INO80D: variants seen among roughly 807,000 people sequenced by gnomAD.
The protein encoded by INO80D is INO80 complex subunit D.
INO80D carries 21 observed loss-of-function variants against 87.6 expected under a neutral mutation model. The observed-to-expected ratio is 0.24, with a 90% CI of 0.17 to 0.35. The LOEUF is 0.35. Ranked by LOEUF, INO80D falls within the 10% of genes least tolerant of loss-of-function variation. The pLI is 1.00. For synonymous variants in INO80D, 440 were observed against 491.0 expected, an observed-to-expected ratio of 0.90 and a Z score of 1.37; for missense variants, 982 against 1,280.7, an observed-to-expected ratio of 0.77 and a Z score of 3.56.
chr2:206,042,953 T>C (rs1012181499), intron 5 of INO80D, among the ~76,000 whole-genome samples: 1 of 152,156 alleles, frequency 6.6e-6, no homozygotes, highest in Non-Finnish European at 1.5e-5. Flanking sequence ...GCCTGGGTGA[T>C]AGGGTAAGAC....
intron 6 of INO80D, among the ~76,000 whole-genome samples, chr2:206,027,837 A>G (rs932603848): frequency 2.0e-5 from 3 of 152,178 alleles, no homozygotes; most frequent in Non-Finnish European, 2.9e-5. Context: ...TAAGCATTCT[A>G]TTTTTTTAAA....
intron 1 of INO80D, among the ~76,000 whole-genome samples, chr2:206,070,000 A>G (rs1318874478): frequency 2.0e-5 from 3 of 152,130 alleles, no homozygotes; most frequent in Non-Finnish European, 2.9e-5. Context: ...TTGGCCAGGT[A>G]TGATGGTGCA....
Position 206,004,975 on chromosome 2 carries a change from T to C in INO80D, c.2477A>G (p.His826Arg). The C allele has an allele frequency of 1.2e-6, 2 of 1,614,006 alleles. No individual in the cohort carries two copies. The highest frequency in any genetic ancestry group is 1.7e-6 in the Non-Finnish European group (2 of 1,179,880). ...ATGCTCACTATCATAATGGCTTCCATGGGGTGAGGAGTGTGAGTGATCACT... is the reference window on the plus strand; with the variant it reads ...ATGCTCACTATCATAATGGCTTCCACGGGGTGAGGAGTGTGAGTGATCACT... ...YSSDHSHSSP[H>R]GSHYDSEHVP... Residue 826 changes from histidine (H) to arginine (R), a missense_variant, in exon 11 of 11, where the codon CAT becomes CGT. Transcript: ENST00000403263. This position sits in a 1 kb window ranked among gnomAD's most constrained non-coding sequence, Gnocchi z 4.9.
chr2:206,052,655 G>A (rs1193750516), intron 4 of INO80D, among the ~76,000 whole-genome samples: 1 of 152,016 alleles, frequency 6.6e-6, no homozygotes, highest in African/African-American at 2.4e-5. Context: ...AGCCAGTTGT[G>A]GTAGTGTGTG....
chr2:206,058,265 A>G (rs918020295), intron 3 of INO80D, among the ~76,000 whole-genome samples: 4 of 151,792 alleles, frequency 2.6e-5, no homozygotes, highest in Non-Finnish European at 5.9e-5. Flanking sequence ...TAAAAATACA[A>G]AAAATTAGCC....
intron 6 of INO80D, among the ~76,000 whole-genome samples, chr2:206,026,125 G>A (rs911177675): frequency 2.0e-5 from 3 of 151,952 alleles, no homozygotes; most frequent in East Asian, 3.9e-4. Flanking sequence ...TCTCGAATTC[G>A]TGACCTCAAG....
In INO80D at chr2:206,005,004, G is replaced by A. The variant is rs1687986305; in HGVS notation, c.2448C>T (p.Tyr816=). ...GTGAGGAGTGTGAGTGATCACTGCT[G>A]TATTGCTGTCGTGAGGTGATTAGGT... The part of the protein sequence containing the change: ...ADDLITSRQQ[Y]SSDHSHSSPH... Residue 816 remains tyrosine, a synonymous_variant, in exon 11 of 11, where the codon TAC becomes TAT. Transcript: ENST00000403263. 1 of 1,613,998 alleles carries A rather than the reference G, an allele frequency of 6.2e-7. No homozygotes were observed. Among genetic ancestry groups the A allele is most frequent in the African/African-American group, 1.3e-5 (1 of 75,026 alleles).
rs186817115 is a variant in INO80D, at chr2:206,011,780, T to C, written c.1543-1986A>G. On this transcript the variant is annotated intron_variant, in intron 8 of 10. Coordinates refer to ENST00000403263, the MANE Select transcript of INO80D (RefSeq NM_017759.5). Reference sequence around the variant, plus strand: ...TCTGTTCTAAGTGCTAGGGATACAGTAGTAACAAAAAAATGGTCCTGCCCT... The same window carrying C: ...TCTGTTCTAAGTGCTAGGGATACAGCAGTAACAAAAAAATGGTCCTGCCCT... Among the ~76,000 whole-genome samples the C allele has an allele frequency of 7.9e-5, 12 of 152,278 alleles. No homozygotes were observed. In the East Asian group the frequency reaches 1.7e-3, roughly 22 times the overall value.
rs745458624 is a variant in INO80D at position 206,062,997 on chromosome 2, A to G, written c.20T>C (p.Ile7Thr). 1.2e-6 allele frequency: 2 copies of G among 1,612,038 alleles called. No homozygotes were observed. Among genetic ancestry groups the G allele is most frequent in the East Asian group, 2.2e-5 (1 of 44,854 alleles). Reference sequence around the variant, plus strand: ...CTTATTGTCAACCTCAGAGAAGTGTATATGTTTCCCTTCATACATCACGTG... The same window carrying G: ...CTTATTGTCAACCTCAGAGAAGTGTGTATGTTTCCCTTCATACATCACGTG... MYEGKH[I>T]HFSEVDNKPL... Residue 7 changes from isoleucine (I) to threonine (T), a missense_variant, in exon 3 of 11, where the codon ATA becomes ACA. Transcript: ENST00000403263. The surrounding 1 kb of genome is among the most constrained non-coding windows in gnomAD (Gnocchi z 4.6).
chr2:206,057,027 T>C, intron 3 of INO80D, 84 bp from the exon 4 acceptor site: 5 of 1,347,430 alleles, frequency 3.7e-6, no homozygotes, highest in Non-Finnish European at 4.0e-6. Context: ...AGAATCCTAA[T>C]GTTAAAAATT....
intron 1 of INO80D, among the ~76,000 whole-genome samples, chr2:206,076,787 G>A (rs970164862): frequency 1.3e-5 from 2 of 152,152 alleles, no homozygotes; most frequent in African/African-American, 2.4e-5. Context: ...GCTCTGGTAG[G>A]TATCAGAGAG....
intron 4 of INO80D, among the ~76,000 whole-genome samples, chr2:206,054,633 C>T (rs191762125): frequency 2.0e-4 from 31 of 152,268 alleles, no homozygotes; most frequent in Non-Finnish European, 2.9e-4. Context: ...CCCACCTCAG[C>T]CTCTCAAATA....
intron 5 of INO80D, among the ~76,000 whole-genome samples, chr2:206,036,138 G>T (rs572912077): frequency 4.9e-4 from 75 of 152,240 alleles, no homozygotes; most frequent in African/African-American, 1.7e-3. Flanking sequence ...CTACACTGCT[G>T]GTGGGAATGT....
rs995674341 is a variant in INO80D at position 206,086,064 on chromosome 2, G to A, written c.-287C>T. On this transcript the variant is annotated 5_prime_UTR_variant, in exon 1 of 11. Coordinates refer to ENST00000403263, the MANE Select transcript of INO80D (RefSeq NM_017759.5). The stretch of plus-strand genomic sequence containing the variant: ...TTCCCTGTCAAGCAAGAGGGGTGAG[G>A]ATCATATTTTTATTTTGGAAACTAA... 1 of 152,232 alleles carries A rather than the reference G, an allele frequency of 6.6e-6. No homozygotes were observed. The highest frequency in any genetic ancestry group is 2.4e-5 in the African/African-American group (1 of 41,454). The allele number at this position is 152,232 out of a possible 1,614,324, so 9.4% of individuals were successfully genotyped here. A position where few individuals can be genotyped will look rare whatever the true frequency, so the allele number is the denominator to read the frequency against.
At chr2:206,079,604 G>A (rs1690219013) in intron 1 of INO80D, among the ~76,000 whole-genome samples, 1 of 152,110 alleles carries the variant, frequency 6.6e-6, no homozygotes, top group Non-Finnish European at 1.5e-5. Context: ...CACCACCTTA[G>A]TTCAAACCCT....
intron 1 of INO80D, among the ~76,000 whole-genome samples, chr2:206,069,793 C>T (rs1689912278): frequency 6.6e-6 from 1 of 152,192 alleles, no homozygotes; most frequent in Non-Finnish European, 1.5e-5. Context: ...ATCCCTAACT[C>T]TCAAGGCTTT....
At chr2:206,026,970 T>C (rs1688631412) in intron 6 of INO80D, among the ~76,000 whole-genome samples, 1 of 152,194 alleles carries the variant, frequency 6.6e-6, no homozygotes, top group African/African-American at 2.4e-5. Flanking sequence ...CAAATTATTG[T>C]CATGAGAATG....
chr2:206,019,881 A>T, intron 6 of INO80D, 36 bp from the exon 7 acceptor site: 1 of 1,510,950 alleles, frequency 6.6e-7, no homozygotes, highest in Non-Finnish European at 9.1e-7. Flanking sequence ...ATTTTTTTTT[A>T]ATGCTTTAAG....
At chr2:206,034,829 GT>G (rs1439290499) in intron 5 of INO80D, among the ~76,000 whole-genome samples, 1 of 152,006 alleles carries the variant, frequency 6.6e-6, no homozygotes, top group Admixed American at 6.6e-5. Context: ...TGATCTGATC[GT>G]TTACCCTTGA....
Sources: allele counts gnomAD v4.1 joint callset (sites outside exome capture counted in the v4.1 genomes callset), GRCh38; gene constraint gnomAD v4.1.1; non-coding constraint Gnocchi (gnomAD v3.1); transcripts MANE v1.5; gene names NCBI Gene and HGNC (gene_info 2026-07-23, HGNC 2026-07-21).